The following DMRT1 variants were observed in gnomAD, a reference collection of about 807,000 sequenced individuals.
The protein encoded by DMRT1 is doublesex- and mab-3-related transcription factor 1.
In DMRT1, 7 loss-of-function variants were observed where a neutral mutation model predicts 32.3. The ratio of observed to expected loss-of-function variants is 0.22; its 90% CI spans 0.12 to 0.41. The LOEUF (loss-of-function observed/expected upper bound fraction) is 0.41, where lower values mean the gene tolerates loss of function less well. Ranked by LOEUF, DMRT1 falls within the 10% of genes least tolerant of loss-of-function variation. The probability of loss-of-function intolerance (pLI) is 1.00; values close to 1 mark genes in which losing one functional copy is unlikely to be tolerated. For missense variants in DMRT1, 625 were observed against 500.5 expected (o/e 1.25, Z -2.37); for synonymous variants, 278 against 206.1 (o/e 1.35, Z -2.99).
intron 4 of DMRT1, among the ~76,000 whole-genome samples, chr9:958,778 A>G (rs1355257873): frequency 6.6e-6 from 1 of 152,278 alleles, no homozygotes; most frequent in Non-Finnish European, 1.5e-5. Flanking sequence ...ATATAAATCT[A>G]AAGTGAAAGG....
intron 4 of DMRT1, among the ~76,000 whole-genome samples, chr9:933,429 G>T (rs1818789275): frequency 6.6e-6 from 1 of 152,200 alleles, no homozygotes; most frequent in South Asian, 2.1e-4. Flanking sequence ...CAGGTAGGTA[G>T]AGCAAAAACC....
At chr9:850,130 C>T (rs1217327146) in intron 2 of DMRT1, among the ~76,000 whole-genome samples, 1 of 152,138 alleles carries the variant, frequency 6.6e-6, no homozygotes, top group Non-Finnish European at 1.5e-5. Context: ...ACAATAGGCT[C>T]TCTGCTAACC....
At chr9:842,229 A>ATTTTTTTTTTTTTTTTTT in intron 1 of DMRT1, 37 bp downstream of exon 1, 1 of 856,434 alleles carries the variant, frequency 1.2e-6, no homozygotes, top group African/African-American at 3.2e-5. Context: ...GTTCAGCCTT[A>ATTTTTTTTTTTTTTTTTT]GTTTTTTTTT....
chr9:847,010 C>G lies in DMRT1; in HGVS notation c.405C>G (p.His135Gln), dbSNP rs746846783. 8 of 1,614,018 alleles carry G rather than the reference C, an allele frequency of 5.0e-6. No homozygotes were observed. In the Admixed American group the frequency reaches 1.3e-4, roughly 27 times the overall value. ...QAQEEELGIS[H>Q]PIPLPSAAEL... is the part of the protein sequence containing the mutation. Reference sequence around the variant, plus strand: ...AGGAGGAGGAATTGGGTATCAGCCACCCCATCCCACTGCCCAGTGCGGCCG... The same window carrying G: ...AGGAGGAGGAATTGGGTATCAGCCAGCCCATCCCACTGCCCAGTGCGGCCG... The change falls in exon 2 of 5, where the codon CAC becomes CAG. Residue 135 changes from histidine (H) to glutamine (Q), a missense_variant. Coordinates refer to ENST00000382276, the MANE Select transcript of DMRT1 (RefSeq NM_021951.3).
chr9:948,776 G>T (rs1277671961), intron 4 of DMRT1, among the ~76,000 whole-genome samples: 1 of 151,888 alleles, frequency 6.6e-6, no homozygotes, highest in Non-Finnish European at 1.5e-5. Flanking sequence ...AACAAAACAG[G>T]CTGGCGCGGT....
intron 2 of DMRT1, among the ~76,000 whole-genome samples, chr9:871,896 G>A (rs1816284224): frequency 6.6e-6 from 1 of 151,296 alleles, no homozygotes; most frequent in African/African-American, 2.5e-5. Flanking sequence ...AGTTTAAAAC[G>A]ATGGCCCTTT....
Position 893,905 on chromosome 9 carries a change from A to C in DMRT1, c.539-7A>C. Reference sequence around the variant, plus strand: ...ATGTTGTATTTTTCTTTTTTCTTCCAATTTAGAGGGACGTATGGTCATCCA... The same window carrying C: ...ATGTTGTATTTTTCTTTTTTCTTCCCATTTAGAGGGACGTATGGTCATCCA... On this transcript the variant is annotated splice_polypyrimidine_tract_variant and splice_region_variant and intron_variant, in intron 2 of 4. Transcript: ENST00000382276. The C allele has an allele frequency of 6.2e-7, 1 of 1,613,440 alleles. No homozygotes were observed. Among genetic ancestry groups the C allele is most frequent in the Non-Finnish European group, 8.5e-7 (1 of 1,179,780 alleles).
chr9:886,380 T>C (rs892997176), intron 2 of DMRT1, among the ~76,000 whole-genome samples: 2 of 152,162 alleles, frequency 1.3e-5, no homozygotes, highest in Non-Finnish European at 2.9e-5. Flanking sequence ...CTCAGCCTTC[T>C]GAGTAGCTGG....
At chr9:902,722 C>T (rs935441023) in intron 3 of DMRT1, among the ~76,000 whole-genome samples, 6 of 151,982 alleles carry the variant, frequency 3.9e-5, no homozygotes, top group African/African-American at 1.4e-4. Context: ...CTCCTCACCT[C>T]GAGTGATCCG....
Position 847,075 on chromosome 9 carries a change from G to C in DMRT1, c.470G>C (p.Cys157Ser). The change falls in exon 2 of 5, where the codon TGC becomes TCC. Residue 157 changes from cysteine (C) to serine (S), a missense_variant. This residue lies in a region of DMRT1 where 416 missense variants were observed against 321.6 expected (regional missense o/e 1.29). Transcript: ENST00000382276. ...AGAGAGAACAATGGCAGTAACCCGT[G>C]CCTCATGACTGAGTGCAGTGGCACC... ...VKRENNGSNP[C>S]LMTECSGTSQ... 6.2e-7 allele frequency: 1 copy of C among 1,613,956 alleles called. No individual in the cohort carries two copies. The highest frequency in any genetic ancestry group is 8.5e-7 in the Non-Finnish European group (1 of 1,180,034).
intron 4 of DMRT1, among the ~76,000 whole-genome samples, chr9:967,069 G>C (rs922921361): frequency 1.3e-5 from 2 of 152,138 alleles, no homozygotes; most frequent in African/African-American, 4.8e-5. Flanking sequence ...ACTACTGCCC[G>C]GCAGAATCCT....
rs1179154323 is a variant in DMRT1, at chr9:893,902, T to TC, written c.539-8dup. 7 of 1,613,076 alleles carry TC rather than the reference T, an allele frequency of 4.3e-6. No individual in the cohort carries two copies. The highest frequency in any genetic ancestry group is 1.3e-5 in the African/African-American group (1 of 74,918). ...ACCATGTTGTATTTTTCTTTTTTCT[T>TC]CCAATTTAGAGGGACGTATGGTCAT... On this transcript the variant is annotated splice_polypyrimidine_tract_variant and intron_variant, in intron 2 of 4. Transcript: ENST00000382276.
intron 3 of DMRT1, among the ~76,000 whole-genome samples, chr9:914,573 C>CAAA (rs34584256): frequency 0.022 from 1,462 of 65,858 alleles, 150 homozygotes; most frequent in Non-Finnish European, 0.029. Context: ...GACTCTGTCT[C>CAAA]AAAAAAAAAA....
chr9:925,200 C>T (rs941189976), intron 4 of DMRT1, among the ~76,000 whole-genome samples: 2 of 152,162 alleles, frequency 1.3e-5, no homozygotes, highest in African/African-American at 4.8e-5. Context: ...TCTCAGATGG[C>T]TCCCGGGATG....
chr9:878,258 G>C (rs1323289931), intron 2 of DMRT1, among the ~76,000 whole-genome samples: 1 of 132,380 alleles, frequency 7.6e-6, no homozygotes, highest in Non-Finnish European at 1.5e-5. Context: ...AGGAGTGGCT[G>C]CACTTCTCAA....
At chr9:963,051 T>A (rs1197767726) in intron 4 of DMRT1, among the ~76,000 whole-genome samples, 2 of 152,222 alleles carry the variant, frequency 1.3e-5, no homozygotes. Context: ...AGAGGTAATG[T>A]TGCATAAATA....
At chr9:864,963 T>C (rs1485472913) in intron 2 of DMRT1, among the ~76,000 whole-genome samples, 3 of 152,160 alleles carry the variant, frequency 2.0e-5, no homozygotes, top group African/African-American at 7.2e-5. Context: ...GATGCAGGAA[T>C]GGGGAGATAT....
chr9:899,522 G>C (rs1042788456), intron 3 of DMRT1, among the ~76,000 whole-genome samples: 1 of 152,154 alleles, frequency 6.6e-6, no homozygotes, highest in Non-Finnish European at 1.5e-5. Flanking sequence ...ATTGCTTCTG[G>C]TCTGCCTCAG....
chr9:844,196 G>C (rs897797717), intron 1 of DMRT1, among the ~76,000 whole-genome samples: 8 of 152,198 alleles, frequency 5.3e-5, no homozygotes, highest in African/African-American at 1.9e-4. Context: ...AGGTCACTTA[G>C]AATGGGAAAC....
Sources: allele counts gnomAD v4.1 joint callset (sites outside exome capture counted in the v4.1 genomes callset), GRCh38; gene constraint gnomAD v4.1.1; regional missense constraint gnomAD v4.1.1; transcripts MANE v1.5; gene names NCBI Gene and HGNC (gene_info 2026-07-23, HGNC 2026-07-21).